Variants in PCCA observed in about 807,000 individuals in gnomAD.
PCCA encodes the protein propionyl-CoA carboxylase alpha chain, mitochondrial.
A neutral mutation model predicts 101.3 loss-of-function variants in PCCA; 74 were observed. The ratio of observed to expected loss-of-function variants is 0.73; its 90% CI spans 0.61 to 0.89. The LOEUF is 0.89. Among genes scored for constraint, PCCA ranks in the 40% least tolerant of loss-of-function variants. PCCA has a pLI of 0.00. For missense variants in PCCA, 891 were observed against 907.0 expected (o/e 0.98, Z 0.23); for synonymous variants, 294 against 313.6 (o/e 0.94, Z 0.66).
chr13:100,145,945 T>C (rs2052496155), intron 4 of PCCA, among the ~76,000 whole-genome samples: 2 of 150,646 alleles, frequency 1.3e-5, no homozygotes, highest in Non-Finnish European at 3.0e-5. Context: ...AGTTTTGCTT[T>C]TTTTTTTTTG....
chr13:100,340,343 T>A (rs536001661), intron 18 of PCCA, 84 bp downstream of exon 18: 1 of 787,432 alleles, frequency 1.3e-6, no homozygotes, highest in Admixed American at 1.8e-5. Flanking sequence ...ATAAAAGATG[T>A]GGCTGATCTC....
intron 6 of PCCA, among the ~76,000 whole-genome samples, chr13:100,187,479 G>A (rs1195840888): frequency 6.6e-6 from 1 of 152,020 alleles, no homozygotes; most frequent in Admixed American, 6.6e-5. Flanking sequence ...CATTATATGA[G>A]GTCTGGATGA....
intron 20 of PCCA, among the ~76,000 whole-genome samples, chr13:100,428,587 A>G (rs574533769): frequency 1.3e-5 from 2 of 152,036 alleles, no homozygotes; most frequent in Admixed American, 6.5e-5. Context: ...TCAAATTATA[A>G]TTACCTGTCA....
chr13:100,488,037 A>G lies in PCCA; in HGVS notation c.1900-27390A>G, dbSNP rs837338. ...GGCCACTGTGCCCAGCCATATATGT[A>G]TATATATATATTTTTTAATGAAGCC... On this transcript the variant is annotated intron_variant, in intron 21 of 23. Coordinates refer to ENST00000376285, the MANE Select transcript of PCCA (RefSeq NM_000282.4). Among the ~76,000 whole-genome samples the G allele has an allele frequency of 8.9e-3, 1,355 of 151,584 alleles. 19 individuals are homozygous for G. Among genetic ancestry groups the G allele is most frequent in the African/African-American group, 0.031 (1,283 of 41,274 alleles).
At chr13:100,294,784 A>G (rs1382109689) in intron 12 of PCCA, among the ~76,000 whole-genome samples, 1 of 152,216 alleles carries the variant, frequency 6.6e-6, no homozygotes, top group African/African-American at 2.4e-5. Flanking sequence ...ACAAATCAAA[A>G]GCACAAAACA....
chr13:100,213,277 T>C (rs142933184), intron 7 of PCCA, among the ~76,000 whole-genome samples: 2,343 of 152,302 alleles, frequency 0.015, 65 homozygotes, highest in African/African-American at 0.053. Flanking sequence ...CTGGATCATA[T>C]GGCAGCTCTA....
chr13:100,264,218 CAT>C lies in PCCA; in HGVS notation c.819+1394_819+1395del, dbSNP rs72377129. Among the ~76,000 whole-genome samples the C allele has an allele frequency of 7.4e-3, 882 of 119,946 alleles. 118 individuals carry two copies. The highest frequency in any genetic ancestry group is 0.023 in the African/African-American group (826 of 36,326). 78.7% of individuals were successfully genotyped at this position (119,946 alleles called of 152,430 possible). Reference sequence around the variant, plus strand: ...TATCATATATGTGATATCTGTATCTCATATATATGTGATATCTGTATATCATA... The same window carrying C: ...TATCATATATGTGATATCTGTATCTCATATATGTGATATCTGTATATCATA... On this transcript the variant is annotated intron_variant, in intron 10 of 23. Transcript: ENST00000376285.
intron 21 of PCCA, among the ~76,000 whole-genome samples, chr13:100,474,456 CT>C (rs1566405093): frequency 1.1e-4 from 15 of 130,508 alleles, no homozygotes; most frequent in African/African-American, 3.8e-4. Flanking sequence ...CTCTCTCTCT[CT>C]CTCTCTCTCT....
At chr13:100,194,240 T>C (rs2057946638) in intron 6 of PCCA, among the ~76,000 whole-genome samples, 1 of 152,168 alleles carries the variant, frequency 6.6e-6, no homozygotes, top group Non-Finnish European at 1.5e-5. Context: ...CTCTTATTTC[T>C]ATCCAGCAAT....
chr13:100,385,617 T>C (rs2076457814), intron 19 of PCCA, among the ~76,000 whole-genome samples: 2 of 152,196 alleles, frequency 1.3e-5, no homozygotes, highest in South Asian at 2.1e-4. Context: ...CGTTTTGTTT[T>C]GATTTTATTT....
chr13:100,324,867 T>C (rs764785323), intron 16 of PCCA, among the ~76,000 whole-genome samples: 1 of 152,234 alleles, frequency 6.6e-6, no homozygotes, highest in Non-Finnish European at 1.5e-5. Flanking sequence ...AAAAAGTCAT[T>C]GCTTATGGTT....
intron 6 of PCCA, among the ~76,000 whole-genome samples, chr13:100,186,785 A>G (rs890733501): frequency 1.3e-5 from 2 of 151,948 alleles, no homozygotes; most frequent in African/African-American, 4.8e-5. Flanking sequence ...GGGATAGTGT[A>G]GAAGAAATCT....
chr13:100,451,970 T>C, intron 21 of PCCA, among the ~76,000 whole-genome samples: 1 of 126,934 alleles, frequency 7.9e-6, no homozygotes, highest in Admixed American at 7.6e-5. Flanking sequence ...TCCCTCTCTC[T>C]CCTCTCCCTC....
intron 2 of PCCA, among the ~76,000 whole-genome samples, chr13:100,105,844 C>CAAAAAAAAAAAAAAAAAAAAAAAACA (rs2047720850): frequency 1.6e-5 from 1 of 62,506 alleles, no homozygotes; most frequent in Non-Finnish European, 2.7e-5. Flanking sequence ...GATCCTGTCT[C>CAAAAAAAAAAAAAAAAAAAAAAAACA]AAAAAAAAAA....
chr13:100,478,996 AG>A (rs1277964713), intron 21 of PCCA, among the ~76,000 whole-genome samples: 2 of 152,158 alleles, frequency 1.3e-5, no homozygotes, highest in Non-Finnish European at 2.9e-5. Flanking sequence ...ACTCAGGGTA[AG>A]GGACAGCCAC....
At chr13:100,350,326 A>T (rs2073111153) in intron 18 of PCCA, among the ~76,000 whole-genome samples, 1 of 118,066 alleles carries the variant, frequency 8.5e-6, no homozygotes, top group Non-Finnish European at 1.9e-5. Context: ...AGGTGACGTG[A>T]TACCTAACTA....
chr13:100,441,998 T>TA (rs1353270294), intron 20 of PCCA, among the ~76,000 whole-genome samples: 3 of 135,822 alleles, frequency 2.2e-5, no homozygotes, highest in Non-Finnish European at 4.9e-5. Context: ...TCTTTTTTTT[T>TA]TTTTTTTATT....
At chr13:100,489,877 C>G (rs2084758967) in intron 21 of PCCA, 1 of 152,158 alleles carries the variant, frequency 6.6e-6, no homozygotes, top group Non-Finnish European at 1.5e-5. Flanking sequence ...TGCTTTGCCT[C>G]CAGCCATTTC....
rs570985482 is a variant in PCCA at position 100,387,510 on chromosome 13, A to G, written c.1746+18936A>G. On this transcript the variant is annotated intron_variant, in intron 19 of 23. Transcript: ENST00000376285. ...GTATGTTTTTCCTTACTCTTGGTTC[A>G]AGCAAGAACATCCAAAAGTAACCTG... Among the ~76,000 whole-genome samples, 21 of 152,316 alleles carry G rather than the reference A, an allele frequency of 1.4e-4. No individual in the cohort carries two copies. In the South Asian group the frequency reaches 4.1e-3, roughly 30 times the overall value.
Sources: allele counts gnomAD v4.1 joint callset (sites outside exome capture counted in the v4.1 genomes callset), GRCh38; gene constraint gnomAD v4.1.1; transcripts MANE v1.5; gene names NCBI Gene and HGNC (gene_info 2026-07-23, HGNC 2026-07-21).